The following EGFLAM variants were observed in gnomAD, a reference collection of about 807,000 sequenced individuals.
The protein encoded by EGFLAM is pikachurin.
Under a neutral mutation model 113.1 loss-of-function variants are expected in EGFLAM, and 79 were observed. The ratio of observed to expected loss-of-function variants is 0.70; its 90% CI spans 0.58 to 0.84. EGFLAM has a LOEUF of 0.84. Ranked by LOEUF, EGFLAM falls within the 40% of genes least tolerant of loss-of-function variation. EGFLAM has a pLI of 0.00. For synonymous variants in EGFLAM, 504 were observed against 487.6 expected, an observed-to-expected ratio of 1.03 and a Z score of -0.44; for missense variants, 1,265 against 1,291.6, an observed-to-expected ratio of 0.98 and a Z score of 0.32.
intron 6 of EGFLAM, among the ~76,000 whole-genome samples, chr5:38,376,985 C>G (rs1740383274): frequency 6.6e-6 from 1 of 152,094 alleles, no homozygotes. Flanking sequence ...CTTCTGTGGT[C>G]TCAGCCTAAT....
At chr5:38,297,797 T>C (rs2111815130) in intron 1 of EGFLAM, among the ~76,000 whole-genome samples, 1 of 152,368 alleles carries the variant, frequency 6.6e-6, no homozygotes, top group Non-Finnish European at 1.5e-5. Context: ...CAGTAGGAGC[T>C]GTACCAGTAA....
intron 5 of EGFLAM, among the ~76,000 whole-genome samples, chr5:38,352,545 G>A (rs1739657205): frequency 6.6e-6 from 1 of 151,960 alleles, no homozygotes; most frequent in Non-Finnish European, 1.5e-5. Flanking sequence ...TACTCAGGAG[G>A]CTGAGGCAGG....
At chr5:38,317,962 T>C (rs1738644101) in intron 1 of EGFLAM, among the ~76,000 whole-genome samples, 1 of 152,112 alleles carries the variant, frequency 6.6e-6, no homozygotes, top group African/African-American at 2.4e-5. Context: ...AGAAACCTGA[T>C]CCTGAGAATG....
chr5:38,366,939 G>T (rs1243869581), intron 5 of EGFLAM, among the ~76,000 whole-genome samples: 1 of 152,200 alleles, frequency 6.6e-6, no homozygotes, highest in Non-Finnish European at 1.5e-5. Flanking sequence ...GAACCAGTTA[G>T]TGAGCCCTGA....
rs148210891 is a variant in EGFLAM, at chr5:38,462,211, C to G, written c.2772-697C>G. On this transcript the variant is annotated intron_variant, in intron 20 of 21. Transcript: ENST00000322350. ...AATAAACAGAAACTTCTGAGCCAGT[C>G]TTCCCATCGAATGATCTTATACCTA... 3.5e-4 allele frequency among the ~76,000 whole-genome samples: 54 copies of G among 152,214 alleles called. 2 individuals are homozygous for G. In the East Asian group the frequency reaches 8.1e-3, roughly 23 times the overall value.
intron 6 of EGFLAM, among the ~76,000 whole-genome samples, chr5:38,392,750 T>C (rs1740847019): frequency 6.6e-6 from 1 of 152,172 alleles, no homozygotes; most frequent in African/African-American, 2.4e-5. Flanking sequence ...TTGTTACATA[T>C]GTATACATGT....
At chr5:38,344,830 C>A (rs149306173) in intron 3 of EGFLAM, among the ~76,000 whole-genome samples, 3 of 152,296 alleles carry the variant, frequency 2.0e-5, no homozygotes, top group Non-Finnish European at 4.4e-5. Context: ...ACACTCCTTC[C>A]TTTTAAGGGA....
chr5:38,424,879 G>A, intron 12 of EGFLAM, 88 bp from the exon 13 acceptor site: 22 of 1,534,556 alleles, frequency 1.4e-5, no homozygotes, highest in Non-Finnish European at 1.9e-5. Context: ...TATTTATTCA[G>A]AACCATGAGC....
rs771003294 is a variant in EGFLAM at position 38,458,339 on chromosome 5, A to G, written c.2716A>G (p.Ile906Val). The stretch of plus-strand genomic sequence containing the variant: ...TAACCTGGGCAGTGGTGTGGCATCC[A>G]TCATGGTGAATGGCTCCTTCAACGA... ...SYNLGSGVASIMVNGSFNDGR... is the reference protein window; with the variant it reads ...SYNLGSGVASVMVNGSFNDGR... Residue 906 changes from isoleucine (I) to valine (V), a missense_variant, in exon 20 of 22, where the codon ATC (isoleucine) becomes GTC (valine). By Grantham distance (29) the Ile-to-Val change is conservative (BLOSUM62 3). Coordinates refer to ENST00000322350, the MANE Select transcript of EGFLAM (RefSeq NM_152403.4). 1 of 1,614,040 alleles carries G rather than the reference A, an allele frequency of 6.2e-7. No individual in the cohort carries two copies. Among genetic ancestry groups the G allele is most frequent in the Non-Finnish European group, 8.5e-7 (1 of 1,179,986 alleles).
chr5:38,412,688 C>A (rs763757353), intron 11 of EGFLAM, 40 bp downstream of exon 11: 1 of 1,603,682 alleles, frequency 6.2e-7, no homozygotes, highest in Non-Finnish European at 8.5e-7. Context: ...CCACATACCA[C>A]CCACCATAAG....
At position 38,427,889 on chromosome 5, in the gene EGFLAM, T is replaced by A. The variant is rs548599253; in HGVS notation, c.2054+637T>A. On this transcript the variant is annotated intron_variant, in intron 14 of 21. Coordinates refer to ENST00000322350, the MANE Select transcript of EGFLAM (RefSeq NM_152403.4). The stretch of plus-strand genomic sequence containing the variant: ...CTTGCTGGTATTTGCAGAATTGGTG[T>A]AAGTAGTCAAAACTTTCCTACTGTT... 4.6e-5 allele frequency among the ~76,000 whole-genome samples: 7 copies of A among 152,352 alleles called. No individual in the cohort carries two copies. The South Asian group carries it at 1.4e-3, about 32-fold the overall frequency.
intron 1 of EGFLAM, among the ~76,000 whole-genome samples, chr5:38,259,331 T>C (rs1280485078): frequency 6.6e-6 from 1 of 152,252 alleles, no homozygotes; most frequent in Non-Finnish European, 1.5e-5. Context: ...GGATGTGGAC[T>C]CTGCTCTTAG....
At chr5:38,351,933 G>C (rs944072821) in intron 4 of EGFLAM, among the ~76,000 whole-genome samples, 33 of 152,112 alleles carry the variant, frequency 2.2e-4, no homozygotes, top group Non-Finnish European at 4.4e-5. Context: ...TTGCAGTCAG[G>C]GGTGCAACGG....
chr5:38,450,662 T>G (rs1266780427), intron 18 of EGFLAM, among the ~76,000 whole-genome samples: 1 of 152,242 alleles, frequency 6.6e-6, no homozygotes, highest in South Asian at 2.1e-4. Flanking sequence ...TCCCAAGCAT[T>G]GCTAAGAGCA....
rs1293724680 is a variant in EGFLAM at position 38,338,778 on chromosome 5, C to T, written c.288C>T (p.Thr96=). 6.2e-7 allele frequency: 1 copy of T among 1,614,110 alleles called. No individual in the cohort carries two copies. The highest frequency in any genetic ancestry group is 1.7e-5 in the Admixed American group (1 of 60,030). ...TGCCTCTCAGCCGGGACATCCCGAC[C>T]ACGGTGAGTCTTTCCATCCTGGCAG... ...HSVPLSRDIP[T]TEEVIGDLKP... is the part of the protein sequence containing the mutation. The change falls in exon 3 of 22, where the codon ACC becomes ACT. Residue 96 remains threonine (T), a synonymous_variant. Coordinates refer to ENST00000322350, the MANE Select transcript of EGFLAM (RefSeq NM_152403.4).
At chr5:38,368,933 AG>A (rs1259029503) in intron 5 of EGFLAM, among the ~76,000 whole-genome samples, 1 of 152,228 alleles carries the variant, frequency 6.6e-6, no homozygotes, top group Non-Finnish European at 1.5e-5. Context: ...AAATGAGTTA[AG>A]GTATTAGAAT....
chr5:38,341,348 G>A (rs900655528), intron 3 of EGFLAM, among the ~76,000 whole-genome samples: 104 of 152,308 alleles, frequency 6.8e-4, no homozygotes, highest in African/African-American at 2.5e-3. Context: ...CAGCAGGAGA[G>A]GGAATGAGTG....
At chr5:38,451,713 G>A (rs762096367) in intron 19 of EGFLAM, 10 of 448,008 alleles carry the variant, frequency 2.2e-5, no homozygotes, top group Non-Finnish European at 3.5e-5. Context: ...TGCTGGGGCC[G>A]GGCACAGTGG....
At chr5:38,387,972 T>TG (rs1332917431) in intron 6 of EGFLAM, among the ~76,000 whole-genome samples, 2 of 152,210 alleles carry the variant, frequency 1.3e-5, no homozygotes, top group Non-Finnish European at 2.9e-5. Context: ...TTCTTTACTG[T>TG]GGGACACTGA....
Sources: allele counts gnomAD v4.1 joint callset (sites outside exome capture counted in the v4.1 genomes callset), GRCh38; gene constraint gnomAD v4.1.1; transcripts MANE v1.5; gene names NCBI Gene and HGNC (gene_info 2026-07-23, HGNC 2026-07-21).